The following NDP variants were observed in gnomAD, a reference collection of about 807,000 sequenced individuals.
NDP encodes norrin.
In NDP, 2 loss-of-function variants were observed where a neutral mutation model predicts 8.4. The ratio of observed to expected loss-of-function variants is 0.24; its 90% CI spans 0.10 to 0.75. The LOEUF (loss-of-function observed/expected upper bound fraction) is 0.75, where lower values mean the gene tolerates loss of function less well. Among genes scored for constraint, NDP ranks in the 30% least tolerant of loss-of-function variants. The probability of loss-of-function intolerance (pLI) is 0.73; values close to 1 mark genes in which losing one functional copy is unlikely to be tolerated. For missense variants in NDP, 81 were observed against 110.1 expected, an observed-to-expected ratio of 0.74 and a Z score of 1.18; for synonymous variants, 55 against 45.6, an observed-to-expected ratio of 1.21 and a Z score of -0.83.
At chrX:43,961,173 C>G (rs2035824189) in intron 1 of NDP, among the ~76,000 whole-genome samples, 1 of 112,385 alleles carries the variant, frequency 8.9e-6, no homozygotes, top group South Asian at 3.7e-4. Flanking sequence ...GATCATGCAC[C>G]CTATTGGCAA....
chrX:43,968,653 C>T (rs1040721062), intron 1 of NDP, among the ~76,000 whole-genome samples: 1 of 112,499 alleles, frequency 8.9e-6, no homozygotes, highest in Non-Finnish European at 1.9e-5. Context: ...TCTTAATGTC[C>T]TCCCAAAGAA....
At chrX:43,960,558 T>C (rs1445889203) in intron 1 of NDP, among the ~76,000 whole-genome samples, 2 of 112,393 alleles carry the variant, frequency 1.8e-5, no homozygotes, top group Non-Finnish European at 3.8e-5. Context: ...TGTTTTCTTT[T>C]CATCTGCATA....
Position 43,950,458 on chromosome X carries a change from CAAAAAAAA to C in NDP, c.175-440_175-433del, listed in dbSNP as rs11292831. On this transcript the variant is annotated intron_variant, in intron 2 of 2. Transcript: ENST00000642620. ...CCAAGAAGTAAATTAAAATGACTAC[CAAAAAAAA>C]AAAAAAAAAAAAGAAATTGATTTGT... is the stretch of plus-strand genomic sequence containing the variant. Among the ~76,000 whole-genome samples, 6 of 59,285 alleles carry C rather than the reference CAAAAAAAA, an allele frequency of 1.0e-4. No individual in the cohort carries two copies. The South Asian group carries it at 3.1e-3, about 31-fold the overall frequency. The allele number at this position is 59,285 out of a possible 115,157, so 51.5% of individuals were successfully genotyped here.
intron 1 of NDP, chrX:43,969,313 CTCTT>C (rs2035876455): frequency 8.9e-6 from 1 of 111,919 alleles, no homozygotes; most frequent in Non-Finnish European, 1.9e-5. Flanking sequence ...AGTCCTGTCT[CTCTT>C]TCTTTCTGTT....
chrX:43,961,034 G>A (rs369967517), intron 1 of NDP: 11 of 112,167 alleles, frequency 9.8e-5, no homozygotes, highest in South Asian at 7.4e-4. Context: ...CACAGAAAAA[G>A]GAAATATAAA....
At chrX:43,968,860 C>T (rs2035873687) in intron 1 of NDP, among the ~76,000 whole-genome samples, 1 of 111,743 alleles carries the variant, frequency 8.9e-6, no homozygotes, top group Non-Finnish European at 1.9e-5. Context: ...TCTTGTCAGG[C>T]TAACAGGGAA....
intron 1 of NDP, among the ~76,000 whole-genome samples, chrX:43,970,060 T>C (rs2035883215): frequency 8.9e-6 from 1 of 112,290 alleles, no homozygotes; most frequent in Non-Finnish European, 1.9e-5. Context: ...TTGCTTTTAT[T>C]GTCCGGGTAA....
chrX:43,967,457 C>T lies in NDP; in HGVS notation c.-208+5847G>A, dbSNP rs746904763. On this transcript the variant is annotated intron_variant, in intron 1 of 2. Coordinates refer to ENST00000642620, the MANE Select transcript of NDP (RefSeq NM_000266.4). ...AAATGTGTGTACCTCCATTTTACTT[C>T]GAGTTGAAGATAGGGGATGTTTTTT... is the stretch of plus-strand genomic sequence containing the variant. Among the ~76,000 whole-genome samples the T allele has an allele frequency of 1.5e-4, 17 of 110,767 alleles. No individual in the cohort carries two copies. The East Asian group carries it at 4.0e-3, about 26-fold the overall frequency.
chrX:43,949,813 C>T lies in NDP; in HGVS notation c.388G>A (p.Glu130Lys), dbSNP rs2035749634. Residue 130 changes from glutamate to lysine, a missense_variant, in exon 3 of 3, where the codon GAA becomes AAA. By Grantham distance (56) the Glu-to-Lys change is moderately conservative. Coordinates refer to ENST00000642620, the MANE Select transcript of NDP (RefSeq NM_000266.4). Reference sequence around the variant, plus strand: ...AGCAGCGGGCCTCAGGAATTGCATTCCTCGCAGTGACAGGAGAGGATGTAC... The same window carrying T: ...AGCAGCGGGCCTCAGGAATTGCATTTCTCGCAGTGACAGGAGAGGATGTAC... ...YRYILSCHCE[E>K]CNS The T allele has an allele frequency of 8.5e-7, 1 of 1,177,261 alleles. No individual in the cohort carries two copies. The highest frequency in any genetic ancestry group is 1.1e-6 in the Non-Finnish European group (1 of 877,796).
chrX:43,964,030 C>T (rs1314571512), intron 1 of NDP, among the ~76,000 whole-genome samples: 1 of 111,872 alleles, frequency 8.9e-6, no homozygotes, highest in African/African-American at 3.3e-5. Flanking sequence ...TTGCTCCTTT[C>T]ATCTCAGAGA....
chrX:43,949,462 C>G lies in NDP; in HGVS notation c.*337G>C, dbSNP rs759738711. ...TTCCCCAGCGTGCACCAAACACTGA[C>G]AGCCTGACACGCTTGTGTATGAGGG... is the stretch of plus-strand genomic sequence containing the variant. On this transcript the variant is annotated 3_prime_UTR_variant, in exon 3 of 3. Transcript: ENST00000642620. The G allele has an allele frequency of 5.8e-4, 157 of 269,828 alleles. 1 individual carries two copies. The East Asian group carries it at 0.011, about 19-fold the overall frequency. 22.2% of individuals were successfully genotyped at this position (269,828 alleles called of 1,213,427 possible). A position where few individuals can be genotyped will look rare whatever the true frequency, so the allele number is the denominator to read the frequency against.
At chrX:43,965,236 G>A (rs2035850820) in intron 1 of NDP, among the ~76,000 whole-genome samples, 1 of 110,588 alleles carries the variant, frequency 9.0e-6, no homozygotes, top group Non-Finnish European at 1.9e-5. Context: ...GTAACACAGG[G>A]AGACTTCATC....
At chrX:43,962,285 T>G (rs1335853640) in intron 1 of NDP, among the ~76,000 whole-genome samples, 1 of 110,058 alleles carries the variant, frequency 9.1e-6, no homozygotes, top group African/African-American at 3.3e-5. Flanking sequence ...TTTTTTTTTT[T>G]TGCCTTGAGT....
In NDP at chrX:43,959,534, T is replaced by C. The variant is rs916809501; in HGVS notation, c.-207-682A>G. On this transcript the variant is annotated intron_variant, in intron 1 of 2. Coordinates refer to ENST00000642620, the MANE Select transcript of NDP (RefSeq NM_000266.4). ...GAGTCACATTTCTGCAGAGCCTTTG[T>C]AGCCTGGGCACATGGTGTAATTCGA... Among the ~76,000 whole-genome samples, 8 of 112,480 alleles carry C rather than the reference T, an allele frequency of 7.1e-5. No homozygotes were observed. The East Asian group carries it at 1.7e-3, about 24-fold the overall frequency.
intron 1 of NDP, among the ~76,000 whole-genome samples, chrX:43,972,479 A>T (rs369130100): frequency 1.8e-5 from 2 of 111,626 alleles, no homozygotes; most frequent in East Asian, 5.6e-4. Flanking sequence ...GGTAGGAGTC[A>T]TTCCTACAGG....
chrX:43,959,717 C>T (rs2035815715), intron 1 of NDP, among the ~76,000 whole-genome samples: 2 of 111,681 alleles, frequency 1.8e-5, no homozygotes, highest in Non-Finnish European at 3.8e-5. Flanking sequence ...CCAGGCATAG[C>T]CAACACTGGT....
chrX:43,951,375 A>G (rs771034837), intron 2 of NDP, among the ~76,000 whole-genome samples: 14 of 111,419 alleles, frequency 1.3e-4, no homozygotes, highest in Admixed American at 2.9e-4. Flanking sequence ...TGATCAAGCC[A>G]CTGTACTCCA....
chrX:43,963,977 C>G lies in NDP; in HGVS notation c.-207-5125G>C, dbSNP rs923482461. Among the ~76,000 whole-genome samples the G allele has an allele frequency of 2.7e-5, 3 of 112,303 alleles. 1 individual carries two copies. The Admixed American group carries it at 2.8e-4, about 11-fold the overall frequency. ...TCCAGCCTGCCAACTCCAGGTATCT[C>G]CAAGGATGGGCAGGCAAAAGGTCAG... On this transcript the variant is annotated intron_variant, in intron 1 of 2. Transcript: ENST00000642620.
At chrX:43,964,526 C>A (rs1383759563) in intron 1 of NDP, among the ~76,000 whole-genome samples, 1 of 110,649 alleles carries the variant, frequency 9.0e-6, no homozygotes, top group African/African-American at 3.3e-5. Context: ...TTTTTTCAGG[C>A]ATTGTCAGGA....
Sources: gnomAD v4.1 joint callset for allele counts (sites outside exome capture counted in the v4.1 genomes callset) on GRCh38, gnomAD v4.1.1 for gene constraint, MANE v1.5 for transcripts, NCBI Gene and HGNC (gene_info 2026-07-23, HGNC 2026-07-21) for gene names.